Variants in POLR2B observed in about 807,000 individuals in gnomAD.
The protein encoded by POLR2B is RNA polymerase II subunit B, also known as DNA-directed RNA polymerase II subunit RPB2.
In POLR2B, 57 loss-of-function variants were observed where a neutral mutation model predicts 144.6. The observed-to-expected ratio is 0.39, with a 90% CI of 0.32 to 0.49. The LOEUF is 0.49. Ranked by LOEUF, POLR2B falls within the 20% of genes least tolerant of loss-of-function variation. The probability of loss-of-function intolerance (pLI) is 0.83; values close to 1 mark genes in which losing one functional copy is unlikely to be tolerated. For missense variants in POLR2B, 595 were observed against 1,467.4 expected (o/e 0.41, Z 9.71); for synonymous variants, 442 against 469.8 (o/e 0.94, Z 0.77).
intron 1 of POLR2B, among the ~76,000 whole-genome samples, chr4:56,980,614 TG>T (rs1033912184): frequency 7.2e-5 from 11 of 152,024 alleles, no homozygotes. Flanking sequence ...CAGCTACTTG[TG>T]GGGCTGAGGC....
chr4:57,030,482 A>C, intron 24 of POLR2B, 83 bp downstream of exon 24: 1 of 975,386 alleles, frequency 1.0e-6, no homozygotes, highest in South Asian at 1.7e-5. Context: ...TTAGTGTGGC[A>C]GAACAGATTG....
intron 23 of POLR2B, among the ~76,000 whole-genome samples, 180 bp downstream of exon 23, chr4:57,025,717 A>G (rs890078940): frequency 6.6e-6 from 1 of 152,008 alleles, no homozygotes; most frequent in African/African-American, 2.4e-5. Flanking sequence ...CTTTGATATT[A>G]TCATCATGTT....
At chr4:56,996,575 T>A (rs976205183) in intron 6 of POLR2B, among the ~76,000 whole-genome samples, 4 of 152,036 alleles carry the variant, frequency 2.6e-5, no homozygotes, top group African/African-American at 9.6e-5. Flanking sequence ...TGAGCCACTG[T>A]GCCCGGCCTT....
At chr4:57,006,675 G>C in intron 9 of POLR2B, 141 bp from the exon 10 acceptor site, 1 of 636,178 alleles carries the variant, frequency 1.6e-6, no homozygotes, top group South Asian at 1.9e-5. Context: ...CTGTGCTTTA[G>C]ACATAAAAGA....
At chr4:57,025,663 C>T (rs934150282) in intron 23 of POLR2B, 126 bp downstream of exon 23, 14 of 607,582 alleles carry the variant, frequency 2.3e-5, no homozygotes, top group Admixed American at 1.9e-4. Flanking sequence ...CAACAATTAT[C>T]GACTGATGGC....
At chr4:56,982,080 G>A (rs1271134584) in intron 1 of POLR2B, among the ~76,000 whole-genome samples, 2 of 152,100 alleles carry the variant, frequency 1.3e-5, no homozygotes, top group African/African-American at 4.8e-5. Flanking sequence ...CATTGTTTCA[G>A]TTACCATCTG....
Position 57,024,969 on chromosome 4 carries a change from T to C in POLR2B, c.3048T>C (p.Ser1016=). 6.3e-7 allele frequency: 1 copy of C among 1,576,894 alleles called. No individual in the cohort carries two copies. The highest frequency in any genetic ancestry group is 8.7e-7 in the Non-Finnish European group (1 of 1,149,126). The part of the protein sequence containing the change: ...VNVQKISNLL[S]DYGYHLRGNE... ...TGCAGAAGATTTCTAATCTTTTATC[T>C]GATTATGGCTATCATCTCAGAGGAA... The change falls in exon 22 of 25, where the codon TCT becomes TCC. Residue 1016 remains serine, a synonymous_variant. Coordinates refer to ENST00000314595, the MANE Select transcript of POLR2B (RefSeq NM_000938.3).
chr4:57,007,424 A>AC (rs200283218), intron 10 of POLR2B, among the ~76,000 whole-genome samples: 3,109 of 151,212 alleles, frequency 0.021, 109 homozygotes, highest in African/African-American at 0.071. Flanking sequence ...TCAAAAAACA[A>AC]AAAAAAAAAC....
At chr4:57,027,206 A>G (rs906718811) in intron 23 of POLR2B, among the ~76,000 whole-genome samples, 1 of 151,452 alleles carries the variant, frequency 6.6e-6, no homozygotes, top group Admixed American at 6.6e-5. Flanking sequence ...CCAGGGTTTC[A>G]CCATTTTGCC....
chr4:57,014,768 T>G (rs1196562313), intron 13 of POLR2B, among the ~76,000 whole-genome samples: 2 of 131,720 alleles, frequency 1.5e-5, no homozygotes, highest in Non-Finnish European at 1.6e-5. Flanking sequence ...CCTCCCAGAG[T>G]GCGGGATTAC....
At chr4:56,990,351 G>C (rs1262294412) in intron 2 of POLR2B, among the ~76,000 whole-genome samples, 1 of 151,990 alleles carries the variant, frequency 6.6e-6, no homozygotes, top group African/African-American at 2.4e-5. Context: ...TCATCCTCTT[G>C]AATATGTGGG....
At position 57,006,871 on chromosome 4, in the gene POLR2B, C is replaced by A. The variant is rs749048373; in HGVS notation, c.1273C>A (p.Arg425=). ...GATCTATGCACAGAAATTTATTGAT[C>A]GAGGAAAGGATTTTAACTTGGAGTT... The part of the protein sequence containing the change: ...VRIYAQKFID[R]GKDFNLELAI... The change falls in exon 10 of 25, where the codon CGA becomes AGA. Residue 425 remains arginine (R), a synonymous_variant. Transcript: ENST00000314595. The A allele has an allele frequency of 1.9e-6, 3 of 1,613,214 alleles. No homozygotes were observed. The highest frequency in any genetic ancestry group is 2.5e-6 in the Non-Finnish European group (3 of 1,179,390).
At chr4:56,982,277 C>T (rs1481138860) in intron 1 of POLR2B, among the ~76,000 whole-genome samples, 1 of 152,052 alleles carries the variant, frequency 6.6e-6, no homozygotes, top group Non-Finnish European at 1.5e-5. Context: ...CGGTGAAGGG[C>T]ACATTTGGCC....
At chr4:57,010,630 T>C in intron 11 of POLR2B, 118 bp from the exon 12 acceptor site, 5 of 1,345,420 alleles carry the variant, frequency 3.7e-6, no homozygotes, top group Non-Finnish European at 3.1e-6. Context: ...TTTTTTATAA[T>C]TGTATTCTTA....
At chr4:56,996,090 AT>A (rs1388199551) in intron 6 of POLR2B, among the ~76,000 whole-genome samples, 1 of 151,928 alleles carries the variant, frequency 6.6e-6, no homozygotes, top group Non-Finnish European at 1.5e-5. Context: ...GTTGCTTATA[AT>A]AATGGAACCT....
intron 12 of POLR2B, 42 bp downstream of exon 12, chr4:57,010,929 T>C: frequency 1.3e-6 from 2 of 1,595,148 alleles, no homozygotes; most frequent in South Asian, 2.2e-5. Flanking sequence ...ATAGTTAATC[T>C]TTAGTTGTTG....
intron 1 of POLR2B, among the ~76,000 whole-genome samples, chr4:56,979,643 C>T (rs1167027308): frequency 1.3e-5 from 2 of 152,048 alleles, no homozygotes; most frequent in African/African-American, 4.8e-5. Flanking sequence ...TAGTAGTGGC[C>T]GAGCGCGGTG....
At chr4:57,003,662 G>A (rs1722921074) in intron 7 of POLR2B, among the ~76,000 whole-genome samples, 2 of 151,974 alleles carry the variant, frequency 1.3e-5, no homozygotes, top group Middle Eastern at 3.2e-3. Flanking sequence ...AGACCAGCTT[G>A]GGAAACTCTG....
At chr4:57,015,461 A>G in intron 13 of POLR2B, 41 bp from the exon 14 acceptor site, 2 of 1,128,758 alleles carry the variant, frequency 1.8e-6, no homozygotes, top group African/African-American at 1.6e-5. Flanking sequence ...AATAAAGAGA[A>G]AATAAAAATT....
Sources: allele counts gnomAD v4.1 joint callset (sites outside exome capture counted in the v4.1 genomes callset), GRCh38; gene constraint gnomAD v4.1.1; transcripts MANE v1.5; gene names NCBI Gene and HGNC (gene_info 2026-07-23, HGNC 2026-07-21).